Variants in FRK observed in about 807,000 individuals in gnomAD.
FRK encodes fyn related Src family tyrosine kinase.
FRK carries 51 observed loss-of-function variants against 56.4 expected under a neutral mutation model. That is an observed-to-expected ratio of 0.90 (90% confidence interval 0.72 to 1.14). The LOEUF is 1.14. Among genes scored for constraint, FRK ranks in the 50% most tolerant of loss-of-function variants. The pLI is 0.00. For missense variants in FRK, 570 were observed against 601.4 expected, an observed-to-expected ratio of 0.95 and a Z score of 0.55; for synonymous variants, 245 against 217.9, an observed-to-expected ratio of 1.12 and a Z score of -1.10.
At chr6:116,075,978 T>C in the FRK span, among the ~76,000 whole-genome samples, 1 of 152,212 alleles carries the variant, frequency 6.6e-6, no homozygotes, top group Non-Finnish European at 1.5e-5. Context: ...ATTGATTCCT[T>C]GCATACCTTG....
Position 116,044,325 on chromosome 6 carries a change from G to A in FRK, c.344+15643C>T, listed in dbSNP as rs147202907. Reference sequence around the variant, plus strand: ...CAATATCCCTGATTAACATCAATGCGAAAATCCTCAATAAAATACTGGCAA... The same window carrying A: ...CAATATCCCTGATTAACATCAATGCAAAAATCCTCAATAAAATACTGGCAA... On this transcript the variant is annotated intron_variant, in intron 1 of 7. Transcript: ENST00000606080. Among the ~76,000 whole-genome samples, 1,380 of 152,180 alleles carry A rather than the reference G, an allele frequency of 9.1e-3. 23 individuals carry two copies. Among genetic ancestry groups the A allele is most frequent in the African/African-American group, 0.031 (1,289 of 41,520 alleles).
chr6:115,981,568 A>G (rs939473966), intron 2 of FRK, among the ~76,000 whole-genome samples: 1 of 151,900 alleles, frequency 6.6e-6, no homozygotes, highest in Admixed American at 6.6e-5. Flanking sequence ...CTCTCCTAAA[A>G]CTCTCAAAAA....
chr6:115,947,348 GTGT>G (rs1772505550), intron 5 of FRK, among the ~76,000 whole-genome samples: 1 of 127,278 alleles, frequency 7.9e-6, no homozygotes, highest in Non-Finnish European at 1.7e-5. Flanking sequence ...GTGTGTGTGT[GTGT>G]GTACACATAT....
At chr6:116,048,542 G>A (rs919997271) in intron 1 of FRK, among the ~76,000 whole-genome samples, 2 of 152,022 alleles carry the variant, frequency 1.3e-5, no homozygotes, top group Admixed American at 6.6e-5. Flanking sequence ...GTGCCACCAG[G>A]CCCAGGTAAT....
intron 1 of FRK, among the ~76,000 whole-genome samples, chr6:116,057,063 C>T (rs1777426559): frequency 6.6e-6 from 1 of 152,150 alleles, no homozygotes; most frequent in African/African-American, 2.4e-5. Flanking sequence ...GAAGTATTTG[C>T]AGTTTCTTCT....
At chr6:116,009,625 A>C (rs1775389070) in intron 1 of FRK, among the ~76,000 whole-genome samples, 1 of 152,248 alleles carries the variant, frequency 6.6e-6, no homozygotes, top group Admixed American at 6.5e-5. Flanking sequence ...ATTAACAATA[A>C]CCAAGAAGAA....
At chr6:116,025,949 T>C (rs1466158905) in intron 1 of FRK, among the ~76,000 whole-genome samples, 1 of 152,170 alleles carries the variant, frequency 6.6e-6, no homozygotes, top group Non-Finnish European at 1.5e-5. Context: ...GAAACTCATC[T>C]GAGTTAAAAA....
upstream of FRK, among the ~76,000 whole-genome samples, chr6:116,061,500 C>A (rs1238999829): frequency 1.3e-5 from 2 of 152,074 alleles, no homozygotes; most frequent in Admixed American, 1.3e-4. Flanking sequence ...TCTTTGCACA[C>A]TGCTGTGGGG....
chr6:116,060,765 C>A lies in FRK; in HGVS notation c.-454G>T, dbSNP rs906681936. The A allele has an allele frequency of 6.2e-6, 1 of 160,840 alleles. No individual in the cohort carries two copies. The highest frequency in any genetic ancestry group is 2.4e-5 in the African/African-American group (1 of 41,506). 10.0% of individuals were successfully genotyped at this position (160,840 alleles called of 1,614,324 possible). A position where few individuals can be genotyped will look rare whatever the true frequency, so the allele number is the denominator to read the frequency against. On this transcript the variant is annotated 5_prime_UTR_variant, in exon 1 of 8. The change creates a premature stop within an existing upstream ORF in the 5' untranslated region. Coordinates refer to ENST00000606080, the MANE Select transcript of FRK (RefSeq NM_002031.3). ...ACGTCTTGCTTTCGCCAGGAGCTCTCCCCCTGTTTCAAGTCTGTTCCTGTC... is the reference window on the plus strand; with the variant it reads ...ACGTCTTGCTTTCGCCAGGAGCTCTACCCCTGTTTCAAGTCTGTTCCTGTC...
intron 1 of FRK, among the ~76,000 whole-genome samples, chr6:116,017,806 ATCT>A (rs1412277144): frequency 6.6e-6 from 1 of 152,106 alleles, no homozygotes; most frequent in Non-Finnish European, 1.5e-5. Flanking sequence ...TTCTCTTAAC[ATCT>A]TCTCCTAAAT....
At chr6:116,029,925 T>C (rs545720764) in intron 1 of FRK, among the ~76,000 whole-genome samples, 1 of 152,278 alleles carries the variant, frequency 6.6e-6, no homozygotes, top group Admixed American at 6.5e-5. Context: ...TATTTTGTAT[T>C]TTTGTTTGTT....
the FRK span, among the ~76,000 whole-genome samples, chr6:116,069,929 T>C: frequency 6.6e-6 from 1 of 152,142 alleles, no homozygotes; most frequent in Non-Finnish European, 1.5e-5. Flanking sequence ...ACTGCTGATC[T>C]TAGGACCACA....
Position 115,942,298 on chromosome 6 carries a change from ATC to A in FRK, c.*114_*115del. The A allele has an allele frequency of 3.6e-6, 3 of 838,632 alleles. No individual in the cohort carries two copies. Among genetic ancestry groups the A allele is most frequent in the Non-Finnish European group, 5.7e-6 (3 of 529,100 alleles). The allele number at this position is 838,632 out of a possible 1,614,324, so 51.9% of individuals were successfully genotyped here. A position where few individuals can be genotyped will look rare whatever the true frequency, so the allele number is the denominator to read the frequency against. On this transcript the variant is annotated 3_prime_UTR_variant, in exon 8 of 8. Transcript: ENST00000606080. ...CATAATACATGGCCAACTTTATCCT[ATC>A]ACTTGAATATGTCAGGATAAACTGA...
the FRK span, among the ~76,000 whole-genome samples, chr6:116,096,792 G>C: frequency 6.6e-6 from 1 of 152,226 alleles, no homozygotes; most frequent in South Asian, 2.1e-4. Flanking sequence ...CTTCCATGCT[G>C]TGGAAGCTTT....
intron 5 of FRK, among the ~76,000 whole-genome samples, chr6:115,952,390 T>C (rs554009574): frequency 4.9e-4 from 75 of 152,136 alleles, no homozygotes; most frequent in African/African-American, 1.8e-3. Flanking sequence ...TCACACCAGT[T>C]AGAATGGCAA....
chr6:116,053,490 T>C (rs1777256683), intron 1 of FRK, among the ~76,000 whole-genome samples: 1 of 152,186 alleles, frequency 6.6e-6, no homozygotes, highest in Admixed American at 6.5e-5. Flanking sequence ...GGTGAGATTC[T>C]TGACTTCTAT....
chr6:116,004,384 C>G (rs1775175046), intron 1 of FRK, among the ~76,000 whole-genome samples: 1 of 152,126 alleles, frequency 6.6e-6, no homozygotes, highest in African/African-American at 2.4e-5. Flanking sequence ...CCACTGCTTC[C>G]CCTAACACCT....
chr6:115,971,038 C>T (rs1773788843), intron 2 of FRK, among the ~76,000 whole-genome samples: 1 of 152,162 alleles, frequency 6.6e-6, no homozygotes, highest in East Asian at 1.9e-4. Context: ...TGGATGAATT[C>T]ACTTTGTACT....
rs141090291 is a variant in FRK at position 116,012,877 on chromosome 6, C to G, written c.345-8879G>C. Among the ~76,000 whole-genome samples the G allele has an allele frequency of 2.5e-3, 378 of 152,204 alleles. 1 individual carries two copies. The highest frequency in any genetic ancestry group is 8.9e-3 in the African/African-American group (368 of 41,534). On this transcript the variant is annotated intron_variant, in intron 1 of 7. Coordinates refer to ENST00000606080, the MANE Select transcript of FRK (RefSeq NM_002031.3). ...TTTCAATCTGACCTCTCTCTTTTCC[C>G]CCAAAGAGAACACTTTCATGTGAAT...
Sources: allele counts gnomAD v4.1 joint callset (sites outside exome capture counted in the v4.1 genomes callset), GRCh38; gene constraint gnomAD v4.1.1; transcripts MANE v1.5; gene names NCBI Gene and HGNC (gene_info 2026-07-23, HGNC 2026-07-21).